CDK17: variants seen among roughly 807,000 people sequenced by gnomAD.
The protein encoded by CDK17 is cyclin-dependent kinase 17.
CDK17 carries 24 observed loss-of-function variants against 77.6 expected under a neutral mutation model. The ratio of observed to expected loss-of-function variants is 0.31; its 90% CI spans 0.22 to 0.44. The LOEUF is 0.44. Among genes scored for constraint, CDK17 ranks in the 20% least tolerant of loss-of-function variants. The pLI is 1.00. For missense variants in CDK17, 429 were observed against 622.5 expected (o/e 0.69, Z 3.31); for synonymous variants, 203 against 210.4 (o/e 0.96, Z 0.30).
intron 1 of CDK17, among the ~76,000 whole-genome samples, chr12:96,339,303 T>C (rs1396587085): frequency 6.6e-6 from 1 of 152,062 alleles, no homozygotes; most frequent in Non-Finnish European, 1.5e-5. Flanking sequence ...GAAAAGTACG[T>C]AGTCCAAACT....
At chr12:96,346,717 C>A (rs1953216161) in intron 1 of CDK17, among the ~76,000 whole-genome samples, 1 of 151,822 alleles carries the variant, frequency 6.6e-6, no homozygotes. Context: ...GAGATCAAGA[C>A]CATCCTGGCC....
chr12:96,377,659 G>C (rs763594643), intron 1 of CDK17, among the ~76,000 whole-genome samples: 41 of 151,654 alleles, frequency 2.7e-4, no homozygotes, highest in Non-Finnish European at 4.9e-4. Flanking sequence ...TGGCAATCTG[G>C]CAGCATCAGA....
intron 1 of CDK17, among the ~76,000 whole-genome samples, chr12:96,384,540 A>G (rs1373588762): frequency 6.6e-6 from 1 of 152,212 alleles, no homozygotes; most frequent in Non-Finnish European, 1.5e-5. Flanking sequence ...GATAAAGAAA[A>G]CATGGTATAT....
At chr12:96,315,640 T>A (rs919673778) in intron 3 of CDK17, among the ~76,000 whole-genome samples, 3 of 152,062 alleles carry the variant, frequency 2.0e-5, no homozygotes, top group Non-Finnish European at 4.4e-5. Context: ...CAAGAAAATG[T>A]TGACTAAAAT....
chr12:96,298,345 T>G (rs949247491), intron 7 of CDK17, among the ~76,000 whole-genome samples: 6 of 152,138 alleles, frequency 3.9e-5, no homozygotes, highest in Non-Finnish European at 7.4e-5. Context: ...GGGTTTGATA[T>G]TATAATACTT....
At chr12:96,280,430 T>C in intron 16 of CDK17, 151 bp from the exon 17 acceptor site, 2 of 1,438,366 alleles carry the variant, frequency 1.4e-6, no homozygotes, top group Non-Finnish European at 1.8e-6. Flanking sequence ...ACCCTTCTGT[T>C]GACGGGGTCA....
intron 1 of CDK17, among the ~76,000 whole-genome samples, chr12:96,346,913 C>G (rs79720469): frequency 7.6e-6 from 1 of 130,814 alleles, no homozygotes; most frequent in Non-Finnish European, 1.7e-5. Flanking sequence ...GACTCTGTCT[C>G]AAAAAAAAAA....
chr12:96,395,361 T>C (rs771083468), intron 1 of CDK17, among the ~76,000 whole-genome samples: 11 of 152,326 alleles, frequency 7.2e-5, no homozygotes, highest in Admixed American at 1.3e-4. Flanking sequence ...GACAGTAACA[T>C]TGACTTTTTA....
At chr12:96,291,916 G>A in intron 10 of CDK17, among the ~76,000 whole-genome samples, 1 of 151,904 alleles carries the variant, frequency 6.6e-6, no homozygotes, top group East Asian at 1.9e-4. Flanking sequence ...TTTGGGATTG[G>A]GAATAAAGAG....
intron 2 of CDK17, among the ~76,000 whole-genome samples, chr12:96,328,315 T>C (rs1952917234): frequency 6.6e-6 from 1 of 152,100 alleles, no homozygotes; most frequent in African/African-American, 2.4e-5. Flanking sequence ...AATTATTTCA[T>C]TATATATTAC....
intron 1 of CDK17, among the ~76,000 whole-genome samples, chr12:96,390,753 T>C (rs1252167288): frequency 8.7e-6 from 1 of 114,836 alleles, no homozygotes; most frequent in Admixed American, 8.7e-5. Context: ...AGAAAAAAAA[T>C]CCTTCAAGTT....
chr12:96,344,945 T>C (rs1016701940), intron 1 of CDK17, among the ~76,000 whole-genome samples: 2 of 152,166 alleles, frequency 1.3e-5, no homozygotes, highest in Non-Finnish European at 2.9e-5. Context: ...AAGGCCAACA[T>C]GCATTAGCTC....
chr12:96,354,629 C>T (rs982653148), intron 1 of CDK17, among the ~76,000 whole-genome samples: 1 of 152,112 alleles, frequency 6.6e-6, no homozygotes, highest in African/African-American at 2.4e-5. Flanking sequence ...TCTGTAATCC[C>T]AGTGACTCGA....
intron 2 of CDK17, 96 bp from the exon 3 acceptor site, chr12:96,324,208 G>C (rs1452884481): frequency 8.3e-6 from 7 of 844,268 alleles, no homozygotes; most frequent in Non-Finnish European, 1.2e-5. Flanking sequence ...AGTTGTAACA[G>C]AGATTAGTAC....
rs370195729 is a variant in CDK17 at position 96,395,464 on chromosome 12, AT to A, written c.-30+4521del. 1.8e-4 allele frequency among the ~76,000 whole-genome samples: 27 copies of A among 152,326 alleles called. No homozygotes were observed. In the South Asian group the frequency reaches 3.3e-3, roughly 19 times the overall value. On this transcript the variant is annotated intron_variant, in intron 1 of 16. Transcript: ENST00000261211. ...CCACAGAGGTCGGTCCCTGGAAACA[AT>A]GACTTAACCTAAGGTCTTTGTTTCT...
chr12:96,288,385 G>A (rs1376917998), intron 11 of CDK17, among the ~76,000 whole-genome samples: 1 of 152,160 alleles, frequency 6.6e-6, no homozygotes, highest in African/African-American at 2.4e-5. Context: ...ATGAAAAGCT[G>A]TATTTTGAAC....
chr12:96,370,231 T>C (rs1953669674), intron 1 of CDK17, among the ~76,000 whole-genome samples: 1 of 152,220 alleles, frequency 6.6e-6, no homozygotes, highest in Admixed American at 6.5e-5. Context: ...TTAGCAACTG[T>C]ATATTGCTTT....
At chr12:96,313,948 A>G in intron 3 of CDK17, among the ~76,000 whole-genome samples, 1 of 152,262 alleles carries the variant, frequency 6.6e-6, no homozygotes, top group East Asian at 1.9e-4. Flanking sequence ...CACCTCTTAA[A>G]AGCTTCTAAT....
At chr12:96,389,738 C>T (rs1008411793) in intron 1 of CDK17, among the ~76,000 whole-genome samples, 6 of 152,092 alleles carry the variant, frequency 3.9e-5, no homozygotes, top group Admixed American at 6.5e-5. Flanking sequence ...TCAAACAAGA[C>T]GTTACCAAGC....
Sources: allele counts gnomAD v4.1 joint callset (sites outside exome capture counted in the v4.1 genomes callset), GRCh38; gene constraint gnomAD v4.1.1; transcripts MANE v1.5; gene names NCBI Gene and HGNC (gene_info 2026-07-23, HGNC 2026-07-21).